The following ARHGAP25 variants were observed in gnomAD, a reference collection of about 807,000 sequenced individuals.
ARHGAP25 encodes the protein rho GTPase-activating protein 25.
A neutral mutation model predicts 71.0 loss-of-function variants in ARHGAP25; 34 were observed. The observed-to-expected ratio is 0.48, with a 90% CI of 0.36 to 0.64. The LOEUF (loss-of-function observed/expected upper bound fraction) is 0.64, where lower values mean the gene tolerates loss of function less well. Among genes scored for constraint, ARHGAP25 ranks in the 30% least tolerant of loss-of-function variants. ARHGAP25 has a pLI of 0.00. For missense variants in ARHGAP25, 706 were observed against 805.1 expected, an observed-to-expected ratio of 0.88 and a Z score of 1.49; for synonymous variants, 282 against 296.5, an observed-to-expected ratio of 0.95 and a Z score of 0.50.
intron 2 of ARHGAP25, among the ~76,000 whole-genome samples, chr2:68,719,539 A>AC (rs1424093165): frequency 1.3e-5 from 2 of 151,954 alleles, no homozygotes; most frequent in Non-Finnish European, 2.9e-5. Flanking sequence ...GAAAAAAATA[A>AC]CTTTTTTTTT....
intron 1 of ARHGAP25, among the ~76,000 whole-genome samples, chr2:68,756,510 T>C (rs1676490247): frequency 6.6e-6 from 1 of 152,210 alleles, no homozygotes; most frequent in Non-Finnish European, 1.5e-5. Flanking sequence ...CATTGAAGAC[T>C]AAGACATTCA....
intron 7 of ARHGAP25, 137 bp from the exon 8 acceptor site, chr2:68,817,736 G>A (rs1681336348): frequency 1.8e-5 from 19 of 1,080,292 alleles, no homozygotes; most frequent in Non-Finnish European, 2.4e-5. Context: ...AAATTCTTGT[G>A]GGCAGAGCAG....
At chr2:68,775,933 GA>G (rs1430592937) in intron 2 of ARHGAP25, among the ~76,000 whole-genome samples, 1 of 152,100 alleles carries the variant, frequency 6.6e-6, no homozygotes, top group East Asian at 1.9e-4. Flanking sequence ...GTTTGTTAGA[GA>G]AAAGATTAGT....
rs370858973 is a variant in ARHGAP25, at chr2:68,822,381, G to A, written c.1242G>A (p.Pro414=). 302 of 1,614,078 alleles carry A rather than the reference G, an allele frequency of 1.9e-4. No individual in the cohort carries two copies. The Middle Eastern group carries it at 5.1e-3, about 27-fold the overall frequency. The change falls in exon 10 of 11, where the codon CCG becomes CCA. Residue 414 remains proline (P), a synonymous_variant. Transcript: ENST00000409202. The part of the protein sequence containing the change: ...SDTTSPTGQQ[P]SDAFPEDSSK... The stretch of plus-strand genomic sequence containing the variant: ...CAACCAGCCCCACCGGACAGCAGCC[G>A]AGCGATGCGTTTCCGGAGGACAGCA...
intron 1 of ARHGAP25, 76 bp downstream of exon 1, chr2:68,735,336 G>A (rs765919391): frequency 9.8e-6 from 14 of 1,434,416 alleles, no homozygotes; most frequent in Admixed American, 3.4e-5. Flanking sequence ...GGTCTGCAGG[G>A]AGCATAGTCT....
intron 1 of ARHGAP25, among the ~76,000 whole-genome samples, chr2:68,753,564 T>A (rs1486423581): frequency 6.6e-6 from 1 of 152,214 alleles, no homozygotes; most frequent in Admixed American, 6.5e-5. Flanking sequence ...ATCGCATGGC[T>A]TTCCTTAGCA....
At chr2:68,824,900 C>T (rs1193516620) in intron 10 of ARHGAP25, among the ~76,000 whole-genome samples, 1 of 152,150 alleles carries the variant, frequency 6.6e-6, no homozygotes, top group Non-Finnish European at 1.5e-5. Context: ...CATGGGAGCT[C>T]AAGTCTCCCT....
In ARHGAP25 at chr2:68,817,928, C is replaced by T. The variant is rs953563680; in HGVS notation, c.937C>T (p.Leu313=). The change falls in exon 8 of 11, where the codon CTG becomes TTG. Residue 313 remains leucine, a synonymous_variant. Coordinates refer to ENST00000409202, the MANE Select transcript of ARHGAP25 (RefSeq NM_001007231.3). The stretch of plus-strand genomic sequence containing the variant: ...TGTTAACAAGATGAGTGTGGACAAC[C>T]TGGCTACTGTGATTGGTGTGAATCT... ...CAVNKMSVDN[L]ATVIGVNLIR... The T allele has an allele frequency of 6.2e-7, 1 of 1,614,108 alleles. No homozygotes were observed. Among genetic ancestry groups the T allele is most frequent in the Non-Finnish European group, 8.5e-7 (1 of 1,179,944 alleles).
At chr2:68,741,438 C>G (rs924274114) in intron 1 of ARHGAP25, among the ~76,000 whole-genome samples, 1 of 152,214 alleles carries the variant, frequency 6.6e-6, no homozygotes, top group African/African-American at 2.4e-5. Context: ...TTTGTCTTGG[C>G]TGCCAGGAAG....
chr2:68,821,187 C>T (rs1204211837), intron 9 of ARHGAP25, among the ~76,000 whole-genome samples: 1 of 149,852 alleles, frequency 6.7e-6, no homozygotes, highest in East Asian at 2.0e-4. Context: ...GCCTTGACCT[C>T]CTGCTGAGGC....
At chr2:68,816,949 A>C (rs1228781646) in intron 7 of ARHGAP25, 2 of 152,422 alleles carry the variant, frequency 1.3e-5, no homozygotes, top group Admixed American at 1.3e-4. Context: ...AATGAGAAAT[A>C]AAAAGGACCC....
At chr2:68,765,019 GT>G (rs1413899138) in intron 1 of ARHGAP25, among the ~76,000 whole-genome samples, 2 of 152,106 alleles carry the variant, frequency 1.3e-5, no homozygotes, top group African/African-American at 4.8e-5. Flanking sequence ...AGAATTCTAG[GT>G]GGTCATTCCT....
intron 2 of ARHGAP25, among the ~76,000 whole-genome samples, chr2:68,719,383 G>A (rs1320824048): frequency 5.9e-5 from 8 of 136,658 alleles, no homozygotes; most frequent in African/African-American, 1.6e-4. Flanking sequence ...GAACCGAATT[G>A]AATTGTAGGA....
intron 2 of ARHGAP25, among the ~76,000 whole-genome samples, chr2:68,719,453 C>A (rs546185862): frequency 2.0e-4 from 29 of 147,976 alleles, no homozygotes; most frequent in Admixed American, 4.7e-4. Flanking sequence ...AGAAAAAAAA[C>A]CCCACAAAAC....
At chr2:68,731,421 C>T (rs1259766600), upstream of ARHGAP25, among the ~76,000 whole-genome samples, 1 of 151,964 alleles carries the variant, frequency 6.6e-6, no homozygotes, top group Non-Finnish European at 1.5e-5. Context: ...CCCATGCTGC[C>T]GACCTCTCTC....
At chr2:68,817,467 C>G (rs941826049) in intron 7 of ARHGAP25, among the ~76,000 whole-genome samples, 2 of 152,154 alleles carry the variant, frequency 1.3e-5, no homozygotes, top group African/African-American at 4.8e-5. Flanking sequence ...GGCCTGAGAT[C>G]TTCTTACCAA....
At position 68,787,966 on chromosome 2, in the gene ARHGAP25, C is replaced by T. The variant is rs376049001; in HGVS notation, c.466+10C>T. 3.1e-6 allele frequency: 5 copies of T among 1,607,970 alleles called. No homozygotes were observed. Among genetic ancestry groups the T allele is most frequent in the Non-Finnish European group, 4.3e-6 (5 of 1,174,436 alleles). On this transcript the variant is annotated intron_variant, in intron 4 of 10. Coordinates refer to ENST00000409202, the MANE Select transcript of ARHGAP25 (RefSeq NM_001007231.3). ...GGCACACCCTGTGGAGGTAAGGACC[C>T]CTGCAGGCTTTCCTGGGCAGGTGCC...
At chr2:68,807,197 TGAC>T in intron 4 of ARHGAP25, 73 bp from the exon 5 acceptor site, 3 of 1,449,810 alleles carry the variant, frequency 2.1e-6, no homozygotes, top group Non-Finnish European at 2.9e-6. Context: ...AAGACACAGG[TGAC>T]ACAGAAAGTC....
chr2:68,777,325 A>G (rs4854512), intron 2 of ARHGAP25, among the ~76,000 whole-genome samples: 57,789 of 151,974 alleles, frequency 0.38, 11,173 homozygotes, highest in Middle Eastern at 0.45. Context: ...TTCCACCACT[A>G]TTTGGCCCTG....
Sources: gnomAD v4.1 joint callset for allele counts (sites outside exome capture counted in the v4.1 genomes callset) on GRCh38, gnomAD v4.1.1 for gene constraint, MANE v1.5 for transcripts, NCBI Gene and HGNC (gene_info 2026-07-23, HGNC 2026-07-21) for gene names.